UTRN: variants seen among roughly 807,000 people sequenced by gnomAD.
The protein encoded by UTRN is dystrophin-related protein 1.
UTRN carries 283 observed loss-of-function variants against 463.9 expected under a neutral mutation model. The ratio of observed to expected loss-of-function variants is 0.61; its 90% CI spans 0.55 to 0.67. The LOEUF (loss-of-function observed/expected upper bound fraction) is 0.67, where lower values mean the gene tolerates loss of function less well. Among genes scored for constraint, UTRN ranks in the 30% least tolerant of loss-of-function variants. UTRN has a pLI of 0.00. For synonymous variants in UTRN, 1,442 were observed against 1,431.5 expected (o/e 1.01, Z -0.17); for missense variants, 3,922 against 4,084.3 (o/e 0.96, Z 1.08).
intron 50 of UTRN, among the ~76,000 whole-genome samples, chr6:144,560,520 C>A (rs1182410584): frequency 1.3e-5 from 2 of 152,050 alleles, no homozygotes; most frequent in African/African-American, 2.4e-5. Context: ...TATCTTCCAG[C>A]CTGTTCTTTA....
Position 144,664,607 on chromosome 6 carries a change from C to T in UTRN, c.7480-13799C>T, listed in dbSNP as rs1198100862. On this transcript the variant is annotated intron_variant, in intron 51 of 74. Transcript: ENST00000367545. ...GATAATAGGAAAAGAACATTATTAG[C>T]ATCGATTTCTTAATTCAGAAATGCT... Among the ~76,000 whole-genome samples the T allele has an allele frequency of 1.3e-4, 19 of 151,678 alleles. 1 individual carries two copies. Among genetic ancestry groups the T allele is most frequent in the Non-Finnish European group, 5.9e-5 (4 of 67,974 alleles).
chr6:144,379,268 C>T (rs1293327655), intron 2 of UTRN, among the ~76,000 whole-genome samples: 2 of 152,176 alleles, frequency 1.3e-5, no homozygotes, highest in African/African-American at 4.8e-5. Context: ...TTTATTATCT[C>T]ATGCAGTTTC....
chr6:144,531,104 G>A lies in UTRN; in HGVS notation c.5959G>A (p.Asp1987Asn). ...GAGACAGTTCCATTGTGACCTTAAT[G>A]ACCTCACACAGTGGATAACAGAGGC... ...EWRQFHCDLN[D>N]LTQWITEAEE... is the part of the protein sequence containing the mutation. Residue 1987 changes from aspartate to asparagine, a missense_variant, in exon 42 of 75, where the codon GAC becomes AAC. Asp to Asn is a conservative substitution (Grantham distance 23). Around this residue, in one of 3 missense-constraint regions of UTRN, gnomAD observed 2,349 missense variants for 2,303.8 expected, o/e 1.02. Coordinates refer to ENST00000367545, the MANE Select transcript of UTRN (RefSeq NM_007124.3). The A allele has an allele frequency of 1.2e-6, 2 of 1,613,954 alleles. No individual in the cohort carries two copies. Among genetic ancestry groups the A allele is most frequent in the Non-Finnish European group, 1.7e-6 (2 of 1,179,934 alleles).
chr6:144,421,836 T>C (rs1219234454), intron 3 of UTRN, 42 bp from the exon 4 acceptor site: 1 of 1,526,338 alleles, frequency 6.6e-7, no homozygotes. Flanking sequence ...GAGTTTCTGC[T>C]GTTGGCATAC....
chr6:144,392,713 G>GGA (rs746540399), intron 2 of UTRN, among the ~76,000 whole-genome samples: 4 of 152,166 alleles, frequency 2.6e-5, no homozygotes, highest in Non-Finnish European at 1.5e-5. Flanking sequence ...TTTGCACACT[G>GGA]GAATATGTGT....
At chr6:144,791,505 G>A (rs557728593) in intron 62 of UTRN, among the ~76,000 whole-genome samples, 13 of 151,700 alleles carry the variant, frequency 8.6e-5, no homozygotes, top group Non-Finnish European at 1.3e-4. Flanking sequence ...CCCAGGAATC[G>A]GAGGCTGCAA....
At chr6:144,358,327 C>CACAT (rs1187564599) in intron 2 of UTRN, among the ~76,000 whole-genome samples, 2 of 152,158 alleles carry the variant, frequency 1.3e-5, no homozygotes, top group East Asian at 1.9e-4. Context: ...TATACACACA[C>CACAT]ACATACATAC....
chr6:144,470,393 G>C (rs1790442720), intron 23 of UTRN, among the ~76,000 whole-genome samples: 1 of 151,776 alleles, frequency 6.6e-6, no homozygotes, highest in African/African-American at 2.4e-5. Flanking sequence ...AGATGGGGTG[G>C]CTGCTGGGCG....
At chr6:144,462,938 AT>A in intron 23 of UTRN, 72 bp downstream of exon 23, 1 of 1,189,350 alleles carries the variant, frequency 8.4e-7, no homozygotes, top group Non-Finnish European at 1.2e-6. Flanking sequence ...AGATTCACGT[AT>A]TTATTATTTA....
chr6:144,526,304 G>A (rs2128598770), intron 41 of UTRN, among the ~76,000 whole-genome samples: 1 of 152,248 alleles, frequency 6.6e-6, no homozygotes, highest in Middle Eastern at 3.4e-3. Context: ...CACTGTTAAT[G>A]TGTTGCTGTT....
chr6:144,511,031 A>T lies in UTRN; in HGVS notation c.4852A>T (p.Ser1618Cys), dbSNP rs1213428690. 6.2e-7 allele frequency: 1 copy of T among 1,613,422 alleles called. No homozygotes were observed. The highest frequency in any genetic ancestry group is 8.5e-7 in the Non-Finnish European group (1 of 1,179,576). ...SAALQNLIEG[S>C]EPILEERLCV... ...TGCCCTGCAAAACTTGATTGAGGGC[A>T]GTGAGCCTATTTTAGAAGAGAGGCT... is the stretch of plus-strand genomic sequence containing the variant. Residue 1618 changes from serine (S) to cysteine (C), a missense_variant, in exon 35 of 75, where the codon AGT (serine) becomes TGT (cysteine). Around this residue, in one of 3 missense-constraint regions of UTRN, gnomAD observed 2,349 missense variants for 2,303.8 expected, o/e 1.02. Coordinates refer to ENST00000367545, the MANE Select transcript of UTRN (RefSeq NM_007124.3).
At chr6:144,442,173 A>C (rs1390071097) in intron 13 of UTRN, among the ~76,000 whole-genome samples, 3 of 152,162 alleles carry the variant, frequency 2.0e-5, no homozygotes, top group Admixed American at 1.3e-4. Context: ...TCAGAAAATG[A>C]GATTTTCTTT....
Position 144,563,544 on chromosome 6 carries a change from A to G in UTRN, c.7289+6233A>G, listed in dbSNP as rs191187738. The stretch of plus-strand genomic sequence containing the variant: ...ATGAATGGGCTTAGGTGAAAAGTAC[A>G]GGTAGCCTTATCCTCCTAGCATGCC... On this transcript the variant is annotated intron_variant, in intron 50 of 74. Coordinates refer to ENST00000367545, the MANE Select transcript of UTRN (RefSeq NM_007124.3). Among the ~76,000 whole-genome samples, 296 of 152,312 alleles carry G rather than the reference A, an allele frequency of 1.9e-3. 1 individual carries two copies. The highest frequency in any genetic ancestry group is 3.0e-3 in the Non-Finnish European group (203 of 68,024).
At chr6:144,689,394 T>G (rs955757467) in intron 52 of UTRN, among the ~76,000 whole-genome samples, 2 of 152,190 alleles carry the variant, frequency 1.3e-5, no homozygotes, top group African/African-American at 2.4e-5. Context: ...CACCCATGCC[T>G]CTGCTGAAAG....
chr6:144,454,152 T>G (rs1003152566), intron 19 of UTRN, among the ~76,000 whole-genome samples: 2 of 152,152 alleles, frequency 1.3e-5, no homozygotes, highest in African/African-American at 4.8e-5. Flanking sequence ...ATAGTATATT[T>G]TAAAACTGTA....
chr6:144,389,364 T>C (rs570561614), intron 2 of UTRN, among the ~76,000 whole-genome samples: 3 of 152,310 alleles, frequency 2.0e-5, no homozygotes, highest in African/African-American at 7.2e-5. Context: ...TTAGTGATTT[T>C]TGGGGCCCCA....
intron 51 of UTRN, among the ~76,000 whole-genome samples, chr6:144,655,767 A>G (rs1779254466): frequency 6.6e-6 from 1 of 152,248 alleles, no homozygotes; most frequent in Admixed American, 6.5e-5. Flanking sequence ...CCACTATAGG[A>G]GTAAGATGTA....
chr6:144,360,749 T>A (rs1310453027), intron 2 of UTRN, among the ~76,000 whole-genome samples: 1 of 152,240 alleles, frequency 6.6e-6, no homozygotes, highest in Non-Finnish European at 1.5e-5. Context: ...ATGAACATTT[T>A]ACACTGCATC....
chr6:144,718,259 C>T (rs58887858), intron 53 of UTRN, among the ~76,000 whole-genome samples: 1,568 of 152,104 alleles, frequency 0.01, 23 homozygotes, highest in African/African-American at 0.034. Flanking sequence ...CACTTGAGGC[C>T]AGGAGTTCAA....
Sources: gnomAD v4.1 joint callset for allele counts (sites outside exome capture counted in the v4.1 genomes callset) on GRCh38, gnomAD v4.1.1 for gene constraint, gnomAD v4.1.1 regional missense constraint, MANE v1.5 for transcripts, NCBI Gene and HGNC (gene_info 2026-07-23, HGNC 2026-07-21) for gene names.